PALM2AKAP2: variants seen among roughly 807,000 people sequenced by gnomAD.
PALM2AKAP2 encodes the protein PALM2 and AKAP2 fusion.
A neutral mutation model predicts 71.5 loss-of-function variants in PALM2AKAP2; 37 were observed. The observed-to-expected ratio is 0.52, with a 90% CI of 0.40 to 0.68. The LOEUF is 0.68. Ranked by LOEUF, PALM2AKAP2 falls within the 30% of genes least tolerant of loss-of-function variation. The probability of loss-of-function intolerance (pLI) is 0.00; values close to 1 mark genes in which losing one functional copy is unlikely to be tolerated. For synonymous variants in PALM2AKAP2, 468 were observed against 478.8 expected (o/e 0.98, Z 0.29); for missense variants, 1,224 against 1,191.8 (o/e 1.03, Z -0.40).
At chr9:109,827,895 C>G (rs1828196866) in intron 1 of PALM2AKAP2, among the ~76,000 whole-genome samples, 1 of 151,594 alleles carries the variant, frequency 6.6e-6, no homozygotes, top group South Asian at 2.1e-4. Context: ...TCTCTGCCTT[C>G]AAAGATTATA....
intron 1 of PALM2AKAP2, among the ~76,000 whole-genome samples, chr9:110,052,631 A>G (rs756488538): frequency 5.3e-5 from 8 of 152,250 alleles, no homozygotes; most frequent in Non-Finnish European, 1.2e-4. Flanking sequence ...TTCAAGTAAC[A>G]TAACACCTGA....
chr9:110,075,930 C>T (rs993257197), intron 1 of PALM2AKAP2, among the ~76,000 whole-genome samples: 5 of 151,764 alleles, frequency 3.3e-5, no homozygotes, highest in African/African-American at 1.2e-4. Flanking sequence ...AAATAAGTTG[C>T]AGATATCATG....
At chr9:109,738,906 CT>C in intron 1 of PALM2AKAP2, among the ~76,000 whole-genome samples, 1 of 152,330 alleles carries the variant, frequency 6.6e-6, no homozygotes. Context: ...CTTATCTGCT[CT>C]TTATTCCAAG....
At chr9:109,829,956 G>T (rs979038731) in intron 1 of PALM2AKAP2, among the ~76,000 whole-genome samples, 1 of 152,144 alleles carries the variant, frequency 6.6e-6, no homozygotes, top group Non-Finnish European at 1.5e-5. Flanking sequence ...AATAGTGTGG[G>T]CAATTCTCCA....
At chr9:110,129,745 T>C (rs1835693450) in intron 1 of PALM2AKAP2, among the ~76,000 whole-genome samples, 1 of 152,244 alleles carries the variant, frequency 6.6e-6, no homozygotes, top group South Asian at 2.1e-4. Context: ...GTTGTGGAGA[T>C]GGACCAGGTT....
intron 1 of PALM2AKAP2, among the ~76,000 whole-genome samples, chr9:109,768,353 C>T (rs1455871393): frequency 4.0e-5 from 6 of 150,006 alleles, no homozygotes; most frequent in African/African-American, 9.7e-5. Flanking sequence ...CTTTCAAATG[C>T]ATATTTTTTA....
At chr9:110,152,668 C>T (rs1016267188) in intron 2 of PALM2AKAP2, among the ~76,000 whole-genome samples, 4 of 152,224 alleles carry the variant, frequency 2.6e-5, no homozygotes, top group Non-Finnish European at 5.9e-5. Context: ...GGGGGAAGAG[C>T]ATCCGGAGTG....
At chr9:110,155,757 T>G (rs557257850) in intron 2 of PALM2AKAP2, among the ~76,000 whole-genome samples, 2 of 152,180 alleles carry the variant, frequency 1.3e-5, no homozygotes, top group South Asian at 4.1e-4. Flanking sequence ...ACTTCATCCT[T>G]ATTCAAAGGT....
chr9:109,978,008 A>C (rs1170357645), intron 6 of PALM2AKAP2, among the ~76,000 whole-genome samples: 1 of 152,148 alleles, frequency 6.6e-6, no homozygotes, highest in Non-Finnish European at 1.5e-5. Context: ...GGGCTTGTAG[A>C]AGATGTTAGC....
chr9:110,075,093 T>G (rs182817158), intron 1 of PALM2AKAP2, among the ~76,000 whole-genome samples: 23 of 152,378 alleles, frequency 1.5e-4, no homozygotes, highest in Admixed American at 4.6e-4. Flanking sequence ...CAATTTATTT[T>G]TGTTGTCAAT....
intron 6 of PALM2AKAP2, among the ~76,000 whole-genome samples, chr9:109,953,860 AGAAAG>A (rs1233870441): frequency 2.0e-5 from 3 of 151,544 alleles, no homozygotes; most frequent in African/African-American, 7.3e-5. Flanking sequence ...AAAAAAGAAA[AGAAAG>A]TAGTGTGGAG....
At chr9:109,913,755 C>CTTTTT (rs35024326) in intron 3 of PALM2AKAP2, among the ~76,000 whole-genome samples, 2 of 102,964 alleles carry the variant, frequency 1.9e-5, no homozygotes, top group Non-Finnish European at 3.9e-5. Context: ...ATGCTTATTT[C>CTTTTT]TTTTTTTTTT....
chr9:109,813,087 C>G (rs1300600206), intron 1 of PALM2AKAP2, among the ~76,000 whole-genome samples: 2 of 152,218 alleles, frequency 1.3e-5, no homozygotes, highest in Non-Finnish European at 2.9e-5. Flanking sequence ...CACAATTTAA[C>G]AAGACTGCCC....
intron 1 of PALM2AKAP2, among the ~76,000 whole-genome samples, chr9:110,060,274 G>A (rs1203654486): frequency 3.3e-5 from 5 of 151,960 alleles, no homozygotes; most frequent in Admixed American, 6.6e-5. Context: ...CACAACATCC[G>A]GCAAATTTTT....
chr9:109,765,675 C>T (rs1439222797), intron 1 of PALM2AKAP2: 1 of 152,176 alleles, frequency 6.6e-6, no homozygotes, highest in Non-Finnish European at 1.5e-5. Context: ...CAGTTGAGAC[C>T]CAGCCTTGAT....
chr9:110,122,371 T>C (rs1295230479), intron 1 of PALM2AKAP2, among the ~76,000 whole-genome samples: 1 of 152,174 alleles, frequency 6.6e-6, no homozygotes, highest in Admixed American at 6.5e-5. Context: ...CCCAAACGCT[T>C]CTTGGGTCTG....
chr9:109,991,856 TG>T (rs1832489710), intron 6 of PALM2AKAP2, among the ~76,000 whole-genome samples: 1 of 152,158 alleles, frequency 6.6e-6, no homozygotes, highest in Non-Finnish European at 1.5e-5. Flanking sequence ...AAGGCTGTTT[TG>T]TAGAGGAAGA....
chr9:110,053,527 C>CAAAAAAAAAAAA (rs56132919), intron 1 of PALM2AKAP2, among the ~76,000 whole-genome samples: 29 of 82,820 alleles, frequency 3.5e-4, no homozygotes, highest in African/African-American at 5.5e-4. Flanking sequence ...AACTCTGTCT[C>CAAAAAAAAAAAA]AAAAAAAAAA....
At chr9:109,958,046 A>C (rs2132105647) in intron 6 of PALM2AKAP2, among the ~76,000 whole-genome samples, 1 of 152,334 alleles carries the variant, frequency 6.6e-6, no homozygotes, top group East Asian at 1.9e-4. Context: ...CTTCTTCTGT[A>C]GAATGGGAAT....
Sources: allele counts gnomAD v4.1 joint callset (sites outside exome capture counted in the v4.1 genomes callset), GRCh38; gene constraint gnomAD v4.1.1; transcripts MANE v1.5; gene names NCBI Gene and HGNC (gene_info 2026-07-23, HGNC 2026-07-21).